STRA6: variants seen among roughly 807,000 people sequenced by gnomAD.
STRA6 encodes the protein signaling receptor and transporter of retinol STRA6, also known as receptor for retinol uptake STRA6.
In STRA6, 48 loss-of-function variants were observed where a neutral mutation model predicts 83.6. That is an observed-to-expected ratio of 0.57 (90% CI 0.46 to 0.73). The LOEUF (loss-of-function observed/expected upper bound fraction) is 0.73, where lower values mean the gene tolerates loss of function less well. Among genes scored for constraint, STRA6 ranks in the 30% least tolerant of loss-of-function variants. STRA6 has a pLI of 0.00. For synonymous variants in STRA6, 353 were observed against 362.3 expected, an observed-to-expected ratio of 0.97 and a Z score of 0.29; for missense variants, 760 against 838.8, an observed-to-expected ratio of 0.91 and a Z score of 1.16.
chr15:74,191,065 C>T, intron 10 of STRA6, 102 bp downstream of exon 10: 1 of 1,569,114 alleles, frequency 6.4e-7, no homozygotes, highest in Non-Finnish European at 8.6e-7. Context: ...CTCTTGATGA[C>T]AAGGATTCTG....
At position 74,183,999 on chromosome 15, in the gene STRA6, G is replaced by A. The variant is rs2277608; in HGVS notation, c.1167-10C>T. 1.1e-5 allele frequency: 17 copies of A among 1,612,072 alleles called. No individual in the cohort carries two copies. The highest frequency in any genetic ancestry group is 2.7e-5 in the African/African-American group (2 of 74,880). ...AGCTCGAAGGTTGGTCCTGGGGTGG[G>A]AGCCAGGGAGGCAGAGACCTCAGGG... On this transcript the variant is annotated splice_polypyrimidine_tract_variant and intron_variant, in intron 13 of 18. Transcript: ENST00000395105.
intron 12 of STRA6, among the ~76,000 whole-genome samples, chr15:74,186,651 A>T (rs944111025): frequency 2.0e-5 from 3 of 152,134 alleles, no homozygotes; most frequent in African/African-American, 7.2e-5. Context: ...TGTGCCTGTA[A>T]TCCCAGCTAC....
Position 74,181,452 on chromosome 15 carries a change from C to T in STRA6, c.1527G>A (p.Val509=), listed in dbSNP as rs752691134. The T allele has an allele frequency of 1.2e-6, 2 of 1,613,732 alleles. No individual in the cohort carries two copies. Among genetic ancestry groups the T allele is most frequent in the Non-Finnish European group, 1.7e-6 (2 of 1,179,936 alleles). The part of the protein sequence containing the change: ...DGHPQLTNRR[V]LYAATFLLFP... ...AGAGAAGAAAGGTGGCTGCATAGAG[C>T]ACTCGCCTAGGATGGGAGAAGAAAG... is the stretch of plus-strand genomic sequence containing the variant. Residue 509 remains valine, a synonymous_variant, in exon 17 of 19, where the codon GTG becomes GTA. Coordinates refer to ENST00000395105, the MANE Select transcript of STRA6 (RefSeq NM_022369.4).
chr15:74,181,981 T>A (rs979045531), intron 16 of STRA6, among the ~76,000 whole-genome samples, 180 bp downstream of exon 16: 1 of 152,080 alleles, frequency 6.6e-6, no homozygotes, highest in South Asian at 2.1e-4. Flanking sequence ...GAGAGGTACT[T>A]TGGAGTGGGC....
intron 17 of STRA6, 40 bp downstream of exon 17, chr15:74,181,255 G>A: frequency 1.9e-6 from 3 of 1,609,452 alleles, no homozygotes; most frequent in Non-Finnish European, 1.7e-6. Context: ...CACTGCTTGG[G>A]TAGCCTGAGC....
intron 18 of STRA6, 74 bp downstream of exon 18, chr15:74,180,708 T>C (rs755056679): frequency 2.8e-4 from 430 of 1,530,982 alleles, no homozygotes; most frequent in Non-Finnish European, 3.7e-4. Flanking sequence ...CTCTGTGTGC[T>C]GGGGAGGGGC....
chr15:74,191,408 G>A lies in STRA6; in HGVS notation c.788+16C>T. The A allele has an allele frequency of 4.3e-6, 7 of 1,613,792 alleles. No individual in the cohort carries two copies. The highest frequency in any genetic ancestry group is 5.9e-6 in the Non-Finnish European group (7 of 1,179,728). Reference sequence around the variant, plus strand: ...CCCAATCCATTGGCCCACAAAGGGTGTGTCAGAGACCCCACCTGCTTCCCA... The same window carrying A: ...CCCAATCCATTGGCCCACAAAGGGTATGTCAGAGACCCCACCTGCTTCCCA... On this transcript the variant is annotated intron_variant, in intron 9 of 18. Transcript: ENST00000395105.
At chr15:74,209,575 G>A, upstream of STRA6, 3 of 755,730 alleles carry the variant, frequency 4.0e-6, no homozygotes. Flanking sequence ...GGCCCCCTCG[G>A]AGCTTTCTCT....
At chr15:74,202,910 G>C (rs2074150613), upstream of STRA6, 2 of 991,000 alleles carry the variant, frequency 2.0e-6, no homozygotes, top group Non-Finnish European at 1.2e-6. Flanking sequence ...CCCCCTCCTG[G>C]GGGAGGAGGC....
rs768181202 is a variant in STRA6 at position 74,182,338 on chromosome 15, C to T, written c.1418+5G>A. 6.2e-7 allele frequency: 1 copy of T among 1,614,140 alleles called. No individual in the cohort carries two copies. The highest frequency in any genetic ancestry group is 8.5e-7 in the Non-Finnish European group (1 of 1,179,998). ...CCTGAGCCCTCCATGTCTTGTTTCACTCACCACGAGGACTCCAGGGAACGG... is the reference window on the plus strand; with the variant it reads ...CCTGAGCCCTCCATGTCTTGTTTCATTCACCACGAGGACTCCAGGGAACGG... On this transcript the variant is annotated splice_donor_5th_base_variant and intron_variant, in intron 15 of 18. Transcript: ENST00000395105.
At chr15:74,209,790 G>A, upstream of STRA6, 1 of 248,474 alleles carries the variant, frequency 4.0e-6, no homozygotes. Flanking sequence ...ATGGTGCTCA[G>A]AGGGTGCTCC....
chr15:74,206,638 G>T (rs1487419095), upstream of STRA6, among the ~76,000 whole-genome samples: 1 of 152,232 alleles, frequency 6.6e-6, no homozygotes, highest in Non-Finnish European at 1.5e-5. Context: ...AGCCTGAGGA[G>T]CGGGGAGGGA....
intron 2 of STRA6, among the ~76,000 whole-genome samples, chr15:74,199,193 G>C (rs901232762): frequency 1.3e-5 from 2 of 152,256 alleles, no homozygotes; most frequent in Non-Finnish European, 2.9e-5. Flanking sequence ...GAGGCATCAA[G>C]GCTGCATTAT....
At chr15:74,210,713 C>T (rs529677533), upstream of STRA6, among the ~76,000 whole-genome samples, 54 of 152,304 alleles carry the variant, frequency 3.5e-4, no homozygotes, top group African/African-American at 1.2e-3. Flanking sequence ...AATTTGATTC[C>T]GTCCCCAGCC....
chr15:74,207,234 G>T (rs1050757942), upstream of STRA6, among the ~76,000 whole-genome samples: 1 of 152,236 alleles, frequency 6.6e-6, no homozygotes, highest in Non-Finnish European at 1.5e-5. Flanking sequence ...CAGCAGGCCA[G>T]AAGGAATGGG....
At chr15:74,202,683 A>C in intron 1 of STRA6, 30 bp downstream of exon 1, 2 of 1,378,688 alleles carry the variant, frequency 1.5e-6, no homozygotes, top group Non-Finnish European at 9.3e-7. Context: ...CCCCTTTCCC[A>C]AGCCCACCTA....
upstream of STRA6, among the ~76,000 whole-genome samples, chr15:74,211,265 T>C (rs1449840896): frequency 6.6e-6 from 1 of 152,034 alleles, no homozygotes; most frequent in Non-Finnish European, 1.5e-5. Context: ...CCTTCTGGGA[T>C]TGAGGGAAGG....
chr15:74,191,643 G>A, intron 8 of STRA6, 152 bp from the exon 9 acceptor site: 1 of 712,574 alleles, frequency 1.4e-6, no homozygotes. Context: ...GGGCTGACCT[G>A]TGGGGATGAG....
At chr15:74,203,011 A>G (rs2074156723), upstream of STRA6, 3 of 985,768 alleles carry the variant, frequency 3.0e-6, no homozygotes, top group African/African-American at 1.7e-5. Flanking sequence ...ACCTGCCTTC[A>G]GCGCCTGCCC....
Sources: allele counts gnomAD v4.1 joint callset (sites outside exome capture counted in the v4.1 genomes callset), GRCh38; gene constraint gnomAD v4.1.1; transcripts MANE v1.5; gene names NCBI Gene and HGNC (gene_info 2026-07-23, HGNC 2026-07-21).